RSPRY1: variants seen among roughly 807,000 people sequenced by gnomAD.
The protein encoded by RSPRY1 is ring finger and SPRY domain containing 1, also known as RING finger and SPRY domain-containing protein 1.
Under a neutral mutation model 73.1 loss-of-function variants are expected in RSPRY1, and 23 were observed. The ratio of observed to expected loss-of-function variants is 0.31; its 90% CI spans 0.23 to 0.45. The LOEUF is 0.45. RSPRY1 is among the 20% of genes least tolerant of loss of function. The pLI is 1.00. For missense variants in RSPRY1, 448 were observed against 698.7 expected, an observed-to-expected ratio of 0.64 and a Z score of 4.05; for synonymous variants, 226 against 251.4, an observed-to-expected ratio of 0.90 and a Z score of 0.95.
intron 10 of RSPRY1, among the ~76,000 whole-genome samples, chr16:57,226,875 GTC>G (rs1313928166): frequency 5.3e-5 from 8 of 152,192 alleles, no homozygotes; most frequent in African/African-American, 9.7e-5. Context: ...TCAAGATGGA[GTC>G]TCTCTGGTTT....
chr16:57,195,939 T>C (rs1445941786), intron 1 of RSPRY1, among the ~76,000 whole-genome samples: 3 of 150,290 alleles, frequency 2.0e-5, no homozygotes, highest in Non-Finnish European at 4.4e-5. Flanking sequence ...GGCGAATCAC[T>C]TGAACCCAGG....
chr16:57,210,674 C>T (rs1388333590), intron 4 of RSPRY1, among the ~76,000 whole-genome samples: 1 of 150,654 alleles, frequency 6.6e-6, no homozygotes, highest in Non-Finnish European at 1.5e-5. Context: ...GATTGTGCTA[C>T]TGCACTCCAG....
In RSPRY1 at chr16:57,230,828, T is replaced by C. The variant is rs2075205929; in HGVS notation, c.1376+15T>C. ...TCATCTACTGTGTAAGTAGCTCTTC[T>C]CAGTCAAAAATTCGAGTAGATGCAC... On this transcript the variant is annotated intron_variant, in intron 12 of 14. Coordinates refer to ENST00000394420, the MANE Select transcript of RSPRY1 (RefSeq NM_133368.3). The C allele has an allele frequency of 4.7e-6, 7 of 1,499,874 alleles. No homozygotes were observed. The South Asian group carries it at 8.0e-5, about 17-fold the overall frequency. 92.9% of individuals were successfully genotyped at this position (1,499,874 alleles called of 1,614,324 possible).
rs566108490 is a variant in RSPRY1 at position 57,196,937 on chromosome 16, G to GT, written c.-155-7561dup. 3.0e-4 allele frequency among the ~76,000 whole-genome samples: 45 copies of GT among 152,282 alleles called. 1 individual carries two copies. In the South Asian group the frequency reaches 9.1e-3, roughly 31 times the overall value. On this transcript the variant is annotated intron_variant, in intron 1 of 14. Transcript: ENST00000394420. Reference sequence around the variant, plus strand: ...TGAGATAAGAACTGTTACTATGTCTGTTTTTTAACATGTGTCAAGAGTCAG... The same window carrying GT: ...TGAGATAAGAACTGTTACTATGTCTGTTTTTTTAACATGTGTCAAGAGTCAG...
chr16:57,204,823 T>C lies in RSPRY1; in HGVS notation c.165T>C (p.Ser55=). 5 of 1,614,114 alleles carry C rather than the reference T, an allele frequency of 3.1e-6. No homozygotes were observed. In the South Asian group the frequency reaches 5.5e-5, roughly 18 times the overall value. ...ICRDDSGTDD[S]VDTQQQQAEN... is the part of the protein sequence containing the mutation. ...GAGATGACAGTGGAACAGATGACAG[T>C]GTTGACACCCAACAGCAACAGGCCG... The change falls in exon 2 of 15, where the codon AGT becomes AGC. Residue 55 remains serine, a synonymous_variant. Coordinates refer to ENST00000394420, the MANE Select transcript of RSPRY1 (RefSeq NM_133368.3).
rs546005785 is a variant in RSPRY1 at position 57,187,232 on chromosome 16, G to T, written c.-156+781G>T. Among the ~76,000 whole-genome samples the T allele has an allele frequency of 3.3e-5, 5 of 152,252 alleles. No homozygotes were observed. In the South Asian group the frequency reaches 1.0e-3, roughly 32 times the overall value. On this transcript the variant is annotated intron_variant, in intron 1 of 14. Transcript: ENST00000394420. The stretch of plus-strand genomic sequence containing the variant: ...TCCGGGCTTATTGCCCGAGTGGGGT[G>T]GGGAGAGTCTATCCCACCAACACCC...
chr16:57,233,566 C>T (rs183240437), intron 13 of RSPRY1, among the ~76,000 whole-genome samples: 11 of 152,218 alleles, frequency 7.2e-5, no homozygotes, highest in Non-Finnish European at 1.5e-4. Flanking sequence ...GACTGGGTTT[C>T]GCCATGTTGC....
chr16:57,189,795 T>TA (rs1197957573), intron 1 of RSPRY1, among the ~76,000 whole-genome samples: 62 of 151,866 alleles, frequency 4.1e-4, no homozygotes, highest in African/African-American at 1.4e-3. Flanking sequence ...TACGCCATGT[T>TA]GCCCAGGCTG....
At chr16:57,194,299 G>A (rs1053977822) in intron 1 of RSPRY1, among the ~76,000 whole-genome samples, 3 of 151,834 alleles carry the variant, frequency 2.0e-5, no homozygotes, top group African/African-American at 4.8e-5. Flanking sequence ...TAGGTGGTGG[G>A]GATAAAGCAA....
At chr16:57,206,652 T>G (rs866068866) in intron 2 of RSPRY1, among the ~76,000 whole-genome samples, 47 of 152,246 alleles carry the variant, frequency 3.1e-4, no homozygotes, top group African/African-American at 1.1e-3. Flanking sequence ...AGCCTCAGCC[T>G]CCTGGACTCA....
intron 1 of RSPRY1, among the ~76,000 whole-genome samples, chr16:57,200,982 C>A (rs565082436): frequency 1.1e-5 from 1 of 92,396 alleles, no homozygotes; most frequent in East Asian, 3.2e-4. Context: ...CACCTCCCTC[C>A]CGGACGGGCG....
At chr16:57,213,744 C>T (rs2074889236) in intron 5 of RSPRY1, 144 bp from the exon 6 acceptor site, 1 of 673,584 alleles carries the variant, frequency 1.5e-6, no homozygotes, top group African/African-American at 1.8e-5. Context: ...TGAAATGGAG[C>T]TAGTACTATT....
At chr16:57,227,184 A>C (rs1417638937) in intron 10 of RSPRY1, among the ~76,000 whole-genome samples, 158 bp from the exon 11 acceptor site, 2 of 152,320 alleles carry the variant, frequency 1.3e-5, no homozygotes, top group East Asian at 3.8e-4. Flanking sequence ...CAGCCCTCTA[A>C]GTCATAATTT....
chr16:57,201,133 C>CTGGCGGAG, intron 1 of RSPRY1, among the ~76,000 whole-genome samples: 1 of 151,530 alleles, frequency 6.6e-6, no homozygotes, highest in Non-Finnish European at 1.5e-5. Flanking sequence ...GAGTGGCTGC[C>CTGGCGGAG]GGGCGGAGGG....
At chr16:57,201,512 G>A (rs1432884548) in intron 1 of RSPRY1, among the ~76,000 whole-genome samples, 1 of 151,500 alleles carries the variant, frequency 6.6e-6, no homozygotes, top group Non-Finnish European at 1.5e-5. Flanking sequence ...CATCCCAGAC[G>A]ATGGGCGGCC....
At chr16:57,211,541 C>G (rs964278020) in intron 4 of RSPRY1, among the ~76,000 whole-genome samples, 2 of 152,118 alleles carry the variant, frequency 1.3e-5, no homozygotes, top group Non-Finnish European at 2.9e-5. Context: ...TGCACTTCAG[C>G]CTGGGCGACA....
intron 4 of RSPRY1, among the ~76,000 whole-genome samples, chr16:57,212,468 C>A (rs900253417): frequency 1.3e-5 from 2 of 152,066 alleles, no homozygotes; most frequent in African/African-American, 4.8e-5. Flanking sequence ...ATATTTGATA[C>A]AACTTAAGCA....
intron 8 of RSPRY1, among the ~76,000 whole-genome samples, chr16:57,218,485 C>T (rs2074976333): frequency 6.6e-6 from 1 of 152,026 alleles, no homozygotes; most frequent in South Asian, 2.1e-4. Flanking sequence ...TTCTCCCCCA[C>T]CCCCACTACC....
intron 1 of RSPRY1, among the ~76,000 whole-genome samples, chr16:57,190,157 C>T (rs2146145972): frequency 6.6e-6 from 1 of 152,030 alleles, no homozygotes; most frequent in Middle Eastern, 3.4e-3. Context: ...CACTTGAGCC[C>T]AGGAGTTCAA....
Sources: gnomAD v4.1 joint callset for allele counts (sites outside exome capture counted in the v4.1 genomes callset) on GRCh38, gnomAD v4.1.1 for gene constraint, MANE v1.5 for transcripts, NCBI Gene and HGNC (gene_info 2026-07-23, HGNC 2026-07-21) for gene names.